Variants in APLP2 observed in about 807,000 individuals in gnomAD.
The protein encoded by APLP2 is CDEI box-binding protein.
A neutral mutation model predicts 89.9 loss-of-function variants in APLP2; 53 were observed. The observed-to-expected ratio is 0.59, with a 90% CI of 0.47 to 0.74. The LOEUF is 0.74. APLP2 is among the 30% of genes least tolerant of loss of function. The pLI is 0.00. For synonymous variants in APLP2, 372 were observed against 348.6 expected (o/e 1.07, Z -0.75); for missense variants, 973 against 975.9 (o/e 1.00, Z 0.04).
At chr11:130,128,240 C>T (rs1950584478) in intron 9 of APLP2, among the ~76,000 whole-genome samples, 1 of 152,186 alleles carries the variant, frequency 6.6e-6, no homozygotes, top group South Asian at 2.1e-4. Flanking sequence ...ACTTTGTAGA[C>T]TATAACTAAA....
chr11:130,137,875 C>T (rs1210917325), intron 13 of APLP2, among the ~76,000 whole-genome samples: 8 of 152,326 alleles, frequency 5.3e-5, no homozygotes, highest in African/African-American at 1.4e-4. Flanking sequence ...AAAGAGTTAA[C>T]GTTCCGTAAA....
At position 130,125,653 on chromosome 11, in the gene APLP2, T is replaced by C. The variant is rs1242521634; in HGVS notation, c.1091-1047T>C. Among the ~76,000 whole-genome samples, 3 of 152,362 alleles carry C rather than the reference T, an allele frequency of 2.0e-5. No homozygotes were observed. In the East Asian group the frequency reaches 5.8e-4, roughly 29 times the overall value. On this transcript the variant is annotated intron_variant, in intron 7 of 16. Coordinates refer to ENST00000338167, the MANE Select transcript of APLP2 (RefSeq NM_001142276.2). Reference sequence around the variant, plus strand: ...TTCATCAATTATATGGTTGTTTTAATGTATTAAAATGATACAATTCTAGAA... The same window carrying C: ...TTCATCAATTATATGGTTGTTTTAACGTATTAAAATGATACAATTCTAGAA...
At chr11:130,125,353 TTA>T (rs1033663207) in intron 7 of APLP2, among the ~76,000 whole-genome samples, 3 of 151,982 alleles carry the variant, frequency 2.0e-5, no homozygotes, top group African/African-American at 7.3e-5. Flanking sequence ...GCTCAGGCCT[TTA>T]TAGCACAGGC....
At chr11:130,086,713 A>G (rs1161416023) in intron 1 of APLP2, among the ~76,000 whole-genome samples, 5 of 152,172 alleles carry the variant, frequency 3.3e-5, no homozygotes, top group Non-Finnish European at 2.9e-5. Flanking sequence ...GTTTAAGGTA[A>G]GGGTCCAGCT....
rs12365561 is a variant in APLP2 at position 130,110,897 on chromosome 11, A to G, written c.403+236A>G. Among the ~76,000 whole-genome samples the G allele has an allele frequency of 4.8e-3, 737 of 152,238 alleles. 1 individual carries two copies. The highest frequency in any genetic ancestry group is 0.02 in the Middle Eastern group (6 of 294). ...TAGACATCCTTCCTCAGGACTGAAT[A>G]AGGGTGCTACCCACAGAGCAATTGC... On this transcript the variant is annotated intron_variant, in intron 3 of 16. Transcript: ENST00000338167.
chr11:130,132,113 C>A (rs929573067), intron 11 of APLP2, among the ~76,000 whole-genome samples: 3 of 152,200 alleles, frequency 2.0e-5, no homozygotes, highest in African/African-American at 7.2e-5. Context: ...GGTTCTTGTC[C>A]TCTGTGAGTG....
intron 1 of APLP2, among the ~76,000 whole-genome samples, chr11:130,084,923 TAAGA>T (rs1943872666): frequency 6.6e-6 from 1 of 152,018 alleles, no homozygotes; most frequent in African/African-American, 2.4e-5. Context: ...TTGGCTAGAC[TAAGA>T]AAAACAGAAG....
intron 1 of APLP2, among the ~76,000 whole-genome samples, chr11:130,106,738 G>A (rs538531004): frequency 1.1e-3 from 166 of 152,094 alleles, no homozygotes; most frequent in African/African-American, 3.8e-3. Flanking sequence ...GCCTAGGCTG[G>A]AGTGCAATTG....
intron 1 of APLP2, among the ~76,000 whole-genome samples, chr11:130,096,252 G>A (rs1946193943): frequency 6.6e-6 from 1 of 152,228 alleles, no homozygotes; most frequent in Non-Finnish European, 1.5e-5. Flanking sequence ...CTGGACTGGA[G>A]GGATGCTGGA....
chr11:130,081,553 T>C (rs778259049), intron 1 of APLP2, among the ~76,000 whole-genome samples: 1 of 152,200 alleles, frequency 6.6e-6, no homozygotes, highest in Admixed American at 6.5e-5. Flanking sequence ...CTTATATAAA[T>C]GCTCAGTGGG....
chr11:130,123,778 G>C lies in APLP2; in HGVS notation c.1089G>C (p.Met363Ile). 6.2e-7 allele frequency: 1 copy of C among 1,614,138 alleles called. No homozygotes were observed. The highest frequency in any genetic ancestry group is 8.5e-7 in the Non-Finnish European group (1 of 1,179,972). Residue 363 changes from methionine to isoleucine, a missense_variant and splice_region_variant, in exon 7 of 17, where the codon ATG (methionine) becomes ATC (isoleucine). Coordinates refer to ENST00000338167, the MANE Select transcript of APLP2 (RefSeq NM_001142276.2). The surrounding 1 kb of genome is among the most constrained non-coding windows in gnomAD (Gnocchi z 4.0). ...ATTGTATGGCTGTGTGTAAAGCGAT[G>C]AGTAAGTCCTGCCTCGCGCTGGTCC... ...EDYCMAVCKA[M>I]IPPTPLPTND... is the part of the protein sequence containing the mutation.
intron 1 of APLP2, among the ~76,000 whole-genome samples, chr11:130,075,359 A>G (rs1438736036): frequency 6.6e-6 from 1 of 152,084 alleles, no homozygotes; most frequent in African/African-American, 2.4e-5. Context: ...TAACTAATCT[A>G]TTTTTTTAAA....
chr11:130,118,319 C>T (rs1949443343), intron 3 of APLP2, among the ~76,000 whole-genome samples: 1 of 152,142 alleles, frequency 6.6e-6, no homozygotes, highest in African/African-American at 2.4e-5. Flanking sequence ...GTGTCAGTTT[C>T]TGTTTTTATT....
chr11:130,090,204 CGCGTCAAAAGAT>C (rs1390296595), intron 1 of APLP2, among the ~76,000 whole-genome samples: 1 of 149,210 alleles, frequency 6.7e-6, no homozygotes, highest in Non-Finnish European at 1.5e-5. Context: ...TGAATTGTTG[CGCGTCAAAAGAT>C]GCTGGTGGAG....
intron 11 of APLP2, among the ~76,000 whole-genome samples, chr11:130,131,119 G>C (rs1950899041): frequency 6.6e-6 from 1 of 152,176 alleles, no homozygotes; most frequent in African/African-American, 2.4e-5. Context: ...GTTTGTTTGA[G>C]ATGGAGTCCC....
intron 12 of APLP2, among the ~76,000 whole-genome samples, 178 bp from the exon 13 acceptor site, chr11:130,135,385 C>G (rs867809946): frequency 6.6e-6 from 1 of 152,102 alleles, no homozygotes; most frequent in Middle Eastern, 3.4e-3. Flanking sequence ...TGCAGGGGTG[C>G]CTGGGACGGC....
At chr11:130,077,356 A>G (rs1942315186) in intron 1 of APLP2, among the ~76,000 whole-genome samples, 1 of 152,208 alleles carries the variant, frequency 6.6e-6, no homozygotes, top group East Asian at 1.9e-4. Context: ...AGATAAGAAA[A>G]TGTGACATTA....
Position 130,069,932 on chromosome 11 carries a change from G to A in APLP2, c.-46G>A, listed in dbSNP as rs1278349836. ...TCGCGGTGTGCTAAGCGAGGAGTCC[G>A]AGTGTGTGAGCTTGAGAGCCGCGCG... On this transcript the variant is annotated 5_prime_UTR_variant, in exon 1 of 17. Transcript: ENST00000338167. 7.2e-7 allele frequency: 1 copy of A among 1,395,384 alleles called. No individual in the cohort carries two copies. Among genetic ancestry groups the A allele is most frequent in the Non-Finnish European group, 9.6e-7 (1 of 1,037,828 alleles). 86.4% of individuals were successfully genotyped at this position (1,395,384 alleles called of 1,614,324 possible). A position where few individuals can be genotyped will look rare whatever the true frequency, so the allele number is the denominator to read the frequency against.
chr11:130,122,433 A>G lies in APLP2; in HGVS notation c.842A>G (p.Asp281Gly), dbSNP rs765667557. The G allele has an allele frequency of 6.2e-7, 1 of 1,614,188 alleles. No individual in the cohort carries two copies. The highest frequency in any genetic ancestry group is 8.5e-7 in the Non-Finnish European group (1 of 1,180,026). Residue 281 changes from aspartate (D) to glycine (G), a missense_variant, in exon 6 of 17, where the codon GAT becomes GGT. By Grantham distance (94) the Asp-to-Gly change is moderately conservative. Transcript: ENST00000338167. ...TACTACTATGACACCTTCAAAGGAG[A>G]TGACTACAATGAGGAGAATCCTACT... ...RDYYYDTFKG[D>G]DYNEENPTEP...
Sources: allele counts gnomAD v4.1 joint callset (sites outside exome capture counted in the v4.1 genomes callset), GRCh38; gene constraint gnomAD v4.1.1; non-coding constraint Gnocchi (gnomAD v3.1); transcripts MANE v1.5; gene names NCBI Gene and HGNC (gene_info 2026-07-23, HGNC 2026-07-21).